The following RXFP2 variants were observed in gnomAD, a reference collection of about 807,000 sequenced individuals.
RXFP2 encodes relaxin receptor 2.
RXFP2 carries 68 observed loss-of-function variants against 88.6 expected under a neutral mutation model. The ratio of observed to expected loss-of-function variants is 0.77; its 90% confidence interval spans 0.63 to 0.94. The LOEUF (loss-of-function observed/expected upper bound fraction) is 0.94, where lower values mean the gene tolerates loss of function less well. Among genes scored for constraint, RXFP2 ranks in the 40% least tolerant of loss-of-function variants. The pLI is 0.00. For synonymous variants in RXFP2, 329 were observed against 306.8 expected, an observed-to-expected ratio of 1.07 and a Z score of -0.76; for missense variants, 791 against 893.9, an observed-to-expected ratio of 0.88 and a Z score of 1.47.
At chr13:31,769,589 G>A (rs1872663613) in intron 5 of RXFP2, among the ~76,000 whole-genome samples, 2 of 152,150 alleles carry the variant, frequency 1.3e-5, no homozygotes, top group Admixed American at 1.3e-4. Context: ...ACCGTAACAT[G>A]ACCGAGGCAA....
intron 1 of RXFP2, among the ~76,000 whole-genome samples, chr13:31,757,235 G>A (rs1272788898): frequency 6.6e-6 from 1 of 152,162 alleles, no homozygotes; most frequent in Non-Finnish European, 1.5e-5. Context: ...TGAATTGATT[G>A]ATAGTCTCAT....
intron 9 of RXFP2, among the ~76,000 whole-genome samples, chr13:31,781,449 G>T (rs1555634): frequency 1.3e-5 from 2 of 152,070 alleles, no homozygotes; most frequent in Non-Finnish European, 1.5e-5. Context: ...ACAGAAAGAC[G>T]CTCGCTAAAA....
intron 3 of RXFP2, among the ~76,000 whole-genome samples, chr13:31,763,285 A>T (rs1279499758): frequency 6.6e-6 from 1 of 151,898 alleles, no homozygotes; most frequent in South Asian, 2.1e-4. Context: ...GGGTCTTACC[A>T]TGTTGCCCAG....
At chr13:31,781,863 A>G in intron 10 of RXFP2, 121 bp downstream of exon 10, 1 of 733,936 alleles carries the variant, frequency 1.4e-6, no homozygotes, top group Non-Finnish European at 2.3e-6. Context: ...CTGACACTGC[A>G]GTGCTAGAAA....
intron 11 of RXFP2, among the ~76,000 whole-genome samples, chr13:31,784,925 C>T (rs557634141): frequency 6.6e-6 from 1 of 152,148 alleles, no homozygotes; most frequent in Non-Finnish European, 1.5e-5. Flanking sequence ...CCTGGTCTTC[C>T]TCCCCCAACT....
intron 1 of RXFP2, among the ~76,000 whole-genome samples, chr13:31,752,593 G>A (rs569337956): frequency 2.6e-5 from 4 of 152,066 alleles, no homozygotes; most frequent in East Asian, 1.9e-4. Flanking sequence ...ATTTCTCTTC[G>A]CCTACCTTAG....
intron 1 of RXFP2, among the ~76,000 whole-genome samples, chr13:31,747,797 G>A (rs1369730419): frequency 6.6e-6 from 1 of 152,142 alleles, no homozygotes; most frequent in African/African-American, 2.4e-5. Flanking sequence ...TGTGCAAGAT[G>A]GTTTGGGTAG....
intron 3 of RXFP2, among the ~76,000 whole-genome samples, chr13:31,762,717 A>G (rs1187784172): frequency 6.6e-6 from 1 of 152,174 alleles, no homozygotes; most frequent in Non-Finnish European, 1.5e-5. Flanking sequence ...GTTTATAATT[A>G]CCACTTATAT....
chr13:31,761,919 A>T, intron 3 of RXFP2, 118 bp downstream of exon 3: 1 of 673,194 alleles, frequency 1.5e-6, no homozygotes, highest in Non-Finnish European at 2.7e-6. Flanking sequence ...AGTTCAATGT[A>T]TTTCACTGGC....
intron 14 of RXFP2, among the ~76,000 whole-genome samples, chr13:31,790,016 G>T (rs928254473): frequency 6.6e-6 from 1 of 152,088 alleles, no homozygotes; most frequent in African/African-American, 2.4e-5. Flanking sequence ...CAGGATATGG[G>T]GTCTTCTTAG....
chr13:31,784,808 C>T (rs1251391171), intron 11 of RXFP2, among the ~76,000 whole-genome samples: 4 of 152,072 alleles, frequency 2.6e-5, no homozygotes, highest in Non-Finnish European at 4.4e-5. Flanking sequence ...AAGACCATTC[C>T]GTTTCCCTCC....
chr13:31,775,568 G>A (rs1872911735), intron 7 of RXFP2, among the ~76,000 whole-genome samples, 179 bp downstream of exon 7: 1 of 152,154 alleles, frequency 6.6e-6, no homozygotes, highest in South Asian at 2.1e-4. Context: ...GTGGTTATGT[G>A]CCTGTGCATT....
At position 31,790,905 on chromosome 13, in the gene RXFP2, T is replaced by C. The variant is rs1593469766; in HGVS notation, c.1146-901T>C. ...GGCATGAGCATGGCTTGTCTGAGGG[T>C]GTGTGTCTGGGTGGAGTAAGCATTG... is the stretch of plus-strand genomic sequence containing the variant. On this transcript the variant is annotated intron_variant, in intron 14 of 17. Transcript: ENST00000298386. Among the ~76,000 whole-genome samples, 3 of 151,878 alleles carry C rather than the reference T, an allele frequency of 2.0e-5. No homozygotes were observed. The South Asian group carries it at 6.3e-4, about 32-fold the overall frequency.
intron 1 of RXFP2, among the ~76,000 whole-genome samples, chr13:31,744,401 C>T (rs1871326432): frequency 6.6e-6 from 1 of 152,136 alleles, no homozygotes; most frequent in Non-Finnish European, 1.5e-5. Flanking sequence ...GGGAACTTTG[C>T]CCCAGGTCAG....
At chr13:31,752,659 A>G (rs979040961) in intron 1 of RXFP2, among the ~76,000 whole-genome samples, 2 of 152,130 alleles carry the variant, frequency 1.3e-5, no homozygotes, top group African/African-American at 4.8e-5. Context: ...ACAACAAATC[A>G]TCTATCCAAC....
At chr13:31,771,763 G>C (rs2138425136) in intron 5 of RXFP2, among the ~76,000 whole-genome samples, 1 of 150,340 alleles carries the variant, frequency 6.7e-6, no homozygotes, top group Admixed American at 6.7e-5. Flanking sequence ...CAGCACTCCA[G>C]CCTGGGCAAT....
rs779827392 is a variant in RXFP2, at chr13:31,775,267, C to G, written c.570-51C>G. 13 of 1,334,068 alleles carry G rather than the reference C, an allele frequency of 9.7e-6. No homozygotes were observed. In the South Asian group the frequency reaches 1.5e-4, roughly 16 times the overall value. The allele number at this position is 1,334,068 out of a possible 1,614,324, so 82.6% of individuals were successfully genotyped here. Reference sequence around the variant, plus strand: ...TGGCTCATATTCTAATTATATGTGACTAAAATAGGGTATTGAGTTTGCCTA... The same window carrying G: ...TGGCTCATATTCTAATTATATGTGAGTAAAATAGGGTATTGAGTTTGCCTA... On this transcript the variant is annotated intron_variant, in intron 6 of 17. Coordinates refer to ENST00000298386, the MANE Select transcript of RXFP2 (RefSeq NM_130806.5).
In RXFP2 at chr13:31,763,852, C is replaced by T. The variant is rs569451051; in HGVS notation, c.320-1185C>T. ...TGGTGGTTATGTCAATAAACATTGA[C>T]GTAAGCATATGAAAGTTATCTTTAG... On this transcript the variant is annotated intron_variant, in intron 3 of 17. Coordinates refer to ENST00000298386, the MANE Select transcript of RXFP2 (RefSeq NM_130806.5). 6.6e-5 allele frequency among the ~76,000 whole-genome samples: 10 copies of T among 152,104 alleles called. No homozygotes were observed. In the South Asian group the frequency reaches 1.0e-3, roughly 16 times the overall value.
At chr13:31,777,868 T>C (rs1486836201) in intron 8 of RXFP2, among the ~76,000 whole-genome samples, 1 of 152,238 alleles carries the variant, frequency 6.6e-6, no homozygotes, top group Non-Finnish European at 1.5e-5. Context: ...TTCAAAATCT[T>C]TGTCCTACCA....
Sources: allele counts gnomAD v4.1 joint callset (sites outside exome capture counted in the v4.1 genomes callset), GRCh38; gene constraint gnomAD v4.1.1; transcripts MANE v1.5; gene names NCBI Gene and HGNC (gene_info 2026-07-23, HGNC 2026-07-21).